EVI5: variants seen among roughly 807,000 people sequenced by gnomAD.
The protein encoded by EVI5 is ecotropic viral integration site 5, also known as ecotropic viral integration site 5 protein homolog.
In EVI5, 73 loss-of-function variants were observed where a neutral mutation model predicts 112.0. The observed-to-expected ratio is 0.65, with a 90% CI of 0.54 to 0.79. EVI5 has a LOEUF of 0.79. Among genes scored for constraint, EVI5 ranks in the 30% least tolerant of loss-of-function variants. EVI5 has a pLI of 0.00. For synonymous variants in EVI5, 305 were observed against 319.9 expected (o/e 0.95, Z 0.50); for missense variants, 900 against 968.8 (o/e 0.93, Z 0.94).
At position 92,621,744 on chromosome 1, in the gene EVI5, A is replaced by T. The variant is rs144921165; in HGVS notation, c.1827+2432T>A. 1.5e-4 allele frequency among the ~76,000 whole-genome samples: 23 copies of T among 152,346 alleles called. No homozygotes were observed. The East Asian group carries it at 4.4e-3, about 29-fold the overall frequency. Reference sequence around the variant, plus strand: ...TTTATCAGACTGCATTTTAAAAAGTACCCATCTATATGTTGTTTATCAGAG... The same window carrying T: ...TTTATCAGACTGCATTTTAAAAAGTTCCCATCTATATGTTGTTTATCAGAG... On this transcript the variant is annotated intron_variant, in intron 16 of 19. Coordinates refer to ENST00000684568, the MANE Select transcript of EVI5 (RefSeq NM_001350197.2).
At position 92,562,560 on chromosome 1, in the gene EVI5, T is replaced by C. The variant is rs188992640; in HGVS notation, c.2166+1082A>G. Among the ~76,000 whole-genome samples the C allele has an allele frequency of 1.9e-3, 285 of 152,044 alleles. 4 individuals carry two copies. The highest frequency in any genetic ancestry group is 0.016 in the Admixed American group (240 of 15,258). On this transcript the variant is annotated intron_variant, in intron 19 of 19. Transcript: ENST00000684568. ...AAAAATTATAATAAATACACACAAA[T>C]AGGTAAAGATTATATGTAAGATCCT...
chr1:92,778,054 G>A (rs1326959119), intron 1 of EVI5, among the ~76,000 whole-genome samples: 9 of 151,868 alleles, frequency 5.9e-5, no homozygotes, highest in African/African-American at 1.9e-4. Context: ...GACTACAGGC[G>A]CACGCCACCA....
chr1:92,619,493 CCTGA>C (rs1218707722), intron 16 of EVI5, among the ~76,000 whole-genome samples: 2 of 150,748 alleles, frequency 1.3e-5, no homozygotes, highest in East Asian at 1.9e-4. Context: ...TCTAGAGAAC[CCTGA>C]CTAATACAAC....
At chr1:92,606,926 C>A (rs6700843) in intron 17 of EVI5, among the ~76,000 whole-genome samples, 92,956 of 137,788 alleles carry the variant, frequency 0.67, 29,604 homozygotes, top group East Asian at 0.85. Context: ...ACACACACCC[C>A]CCCAAACCCT....
intron 9 of EVI5, among the ~76,000 whole-genome samples, chr1:92,688,664 GA>G (rs1668976458): frequency 6.6e-6 from 1 of 152,164 alleles, no homozygotes; most frequent in African/African-American, 2.4e-5. Context: ...TAAATTGTAG[GA>G]AAGACTATAG....
At chr1:92,755,442 A>G (rs1680809393) in intron 1 of EVI5, among the ~76,000 whole-genome samples, 1 of 152,132 alleles carries the variant, frequency 6.6e-6, no homozygotes, top group Admixed American at 6.5e-5. Context: ...AAAAACCCAA[A>G]AACAAAAAAA....
intron 19 of EVI5, among the ~76,000 whole-genome samples, chr1:92,545,268 G>GCA (rs957573810): frequency 3.3e-5 from 5 of 151,874 alleles, no homozygotes; most frequent in African/African-American, 1.2e-4. Flanking sequence ...GAGAGACAGG[G>GCA]TCTTGCTTTG....
intron 9 of EVI5, among the ~76,000 whole-genome samples, chr1:92,686,424 C>A (rs1025369685): frequency 1.3e-5 from 2 of 152,108 alleles, no homozygotes; most frequent in Non-Finnish European, 2.9e-5. Context: ...TATGACAAAC[C>A]CATAGCCAAT....
At chr1:92,677,079 G>C (rs984948779) in intron 10 of EVI5, 79 bp downstream of exon 10, 22 of 848,210 alleles carry the variant, frequency 2.6e-5, no homozygotes, top group Non-Finnish European at 4.2e-5. Context: ...ATGAATATAA[G>C]AAGTACAAAC....
At chr1:92,705,340 C>T (rs972275165) in intron 2 of EVI5, among the ~76,000 whole-genome samples, 1 of 152,220 alleles carries the variant, frequency 6.6e-6, no homozygotes, top group African/African-American at 2.4e-5. Flanking sequence ...TGCATTTATA[C>T]TTTATTTATA....
At chr1:92,577,903 T>C (rs1557826133) in intron 18 of EVI5, among the ~76,000 whole-genome samples, 1 of 152,228 alleles carries the variant, frequency 6.6e-6, no homozygotes, top group Non-Finnish European at 1.5e-5. Flanking sequence ...TTTTGCTTTC[T>C]GGCTTTGTTG....
At chr1:92,678,042 G>C (rs1292760897) in intron 9 of EVI5, among the ~76,000 whole-genome samples, 5 of 152,086 alleles carry the variant, frequency 3.3e-5, no homozygotes, top group Non-Finnish European at 5.9e-5. Flanking sequence ...CAGATACTGA[G>C]GACTAATAGA....
At chr1:92,705,483 T>C (rs774560235) in intron 2 of EVI5, among the ~76,000 whole-genome samples, 6 of 152,194 alleles carry the variant, frequency 3.9e-5, no homozygotes, top group Admixed American at 2.6e-4. Context: ...TCACTTTCCA[T>C]AATCCCTACA....
intron 19 of EVI5, among the ~76,000 whole-genome samples, chr1:92,562,195 A>C (rs888842742): frequency 6.6e-6 from 1 of 152,148 alleles, no homozygotes; most frequent in Non-Finnish European, 1.5e-5. Flanking sequence ...CAACACACTT[A>C]ATTGTAACTT....
At chr1:92,622,049 G>A (rs1654709419) in intron 16 of EVI5, among the ~76,000 whole-genome samples, 2 of 151,916 alleles carry the variant, frequency 1.3e-5, no homozygotes, top group African/African-American at 4.8e-5. Context: ...GAACCCGGGA[G>A]GCAGAGGTTG....
chr1:92,600,328 A>G (rs139028303), intron 18 of EVI5, among the ~76,000 whole-genome samples: 28 of 152,306 alleles, frequency 1.8e-4, no homozygotes, highest in Admixed American at 1.3e-3. Flanking sequence ...AGACTTCTTG[A>G]GTACAGGCAA....
intron 19 of EVI5, among the ~76,000 whole-genome samples, chr1:92,514,228 A>G (rs1289556492): frequency 1.3e-5 from 2 of 152,070 alleles, no homozygotes; most frequent in African/African-American, 4.8e-5. Flanking sequence ...ATCTCGGCTC[A>G]CTGCAACCTC....
At chr1:92,724,657 A>C (rs1436264747) in intron 2 of EVI5, among the ~76,000 whole-genome samples, 1 of 151,898 alleles carries the variant, frequency 6.6e-6, no homozygotes, top group African/African-American at 2.4e-5. Context: ...AAAGTACAAA[A>C]ATTAGCTGGG....
intron 18 of EVI5, among the ~76,000 whole-genome samples, chr1:92,570,988 T>C (rs1670241940): frequency 6.6e-6 from 1 of 152,206 alleles, no homozygotes; most frequent in Non-Finnish European, 1.5e-5. Context: ...CTTGAACTTC[T>C]ATTCACTGTG....
Sources: gnomAD v4.1 joint callset for allele counts (sites outside exome capture counted in the v4.1 genomes callset) on GRCh38, gnomAD v4.1.1 for gene constraint, MANE v1.5 for transcripts, NCBI Gene and HGNC (gene_info 2026-07-23, HGNC 2026-07-21) for gene names.